The following SLC24A4 variants were observed in gnomAD, a reference collection of about 807,000 sequenced individuals.
SLC24A4 encodes sodium/potassium/calcium exchanger 4.
SLC24A4 carries 53 observed loss-of-function variants against 79.0 expected under a neutral mutation model. The ratio of observed to expected loss-of-function variants is 0.67; its 90% CI spans 0.54 to 0.84. The LOEUF (loss-of-function observed/expected upper bound fraction) is 0.84, where lower values mean the gene tolerates loss of function less well. SLC24A4 is among the 40% of genes least tolerant of loss of function. The probability of loss-of-function intolerance (pLI) is 0.00; values close to 1 mark genes in which losing one functional copy is unlikely to be tolerated. For synonymous variants in SLC24A4, 323 were observed against 323.8 expected (o/e 1.00, Z 0.03); for missense variants, 731 against 822.0 (o/e 0.89, Z 1.35).
chr14:92,441,482 C>T lies in SLC24A4; in HGVS notation c.394-607C>T, dbSNP rs1000697443. Among the ~76,000 whole-genome samples the T allele has an allele frequency of 1.3e-5, 2 of 152,196 alleles. No homozygotes were observed. The highest frequency in any genetic ancestry group is 1.9e-4 in the East Asian group (1 of 5,194). On this transcript the variant is annotated intron_variant, in intron 4 of 16. Coordinates refer to ENST00000532405, the MANE Select transcript of SLC24A4 (RefSeq NM_153646.4). This position sits in a 1 kb window ranked among gnomAD's most constrained non-coding sequence, Gnocchi z 4.6. ...CAGGCCTGCCGTGGAGAAGGCCTTC[C>T]AGAATGCAAGGCCCAGCTGCAGGCC...
chr14:92,376,109 T>A (rs1313466971), intron 2 of SLC24A4, among the ~76,000 whole-genome samples: 1 of 145,138 alleles, frequency 6.9e-6, no homozygotes, highest in Admixed American at 6.7e-5. Context: ...TTGGGGAGGA[T>A]CTGCAAGTGC....
chr14:92,444,930 C>T (rs12434876), intron 7 of SLC24A4, among the ~76,000 whole-genome samples: 55 of 70,264 alleles, frequency 7.8e-4, no homozygotes, highest in African/African-American at 3.1e-3. Flanking sequence ...TATACACACA[C>T]ATACACACAC....
chr14:92,387,616 A>G (rs746446955), intron 2 of SLC24A4, among the ~76,000 whole-genome samples: 1 of 152,238 alleles, frequency 6.6e-6, no homozygotes, highest in South Asian at 2.1e-4. Context: ...AGCATTAAGT[A>G]CATTCACATG....
intron 2 of SLC24A4, among the ~76,000 whole-genome samples, chr14:92,351,689 T>G (rs77269340): frequency 0.098 from 14,809 of 151,864 alleles, 905 homozygotes; most frequent in Admixed American, 0.14. Context: ...AAACCCCATC[T>G]CTACTAAAAA....
chr14:92,358,954 G>A (rs564003474), intron 2 of SLC24A4, among the ~76,000 whole-genome samples: 2 of 151,920 alleles, frequency 1.3e-5, no homozygotes, highest in South Asian at 4.1e-4. Context: ...CCAAAGTACT[G>A]GGATTACAGG....
chr14:92,378,001 G>A (rs1459401054), intron 2 of SLC24A4, among the ~76,000 whole-genome samples: 2 of 152,158 alleles, frequency 1.3e-5, no homozygotes, highest in Non-Finnish European at 2.9e-5. Flanking sequence ...AGTCTGAGCT[G>A]CCTGTGGGAC....
At chr14:92,485,672 A>G (rs1438512291) in intron 13 of SLC24A4, among the ~76,000 whole-genome samples, 3 of 152,242 alleles carry the variant, frequency 2.0e-5, no homozygotes, top group African/African-American at 7.2e-5. Context: ...CAAGTAAAAA[A>G]AAAAAGTATT....
rs747436460 is a variant in SLC24A4 at position 92,482,785 on chromosome 14, T to A, written c.1361T>A (p.Met454Lys). 34 of 1,614,014 alleles carry A rather than the reference T, an allele frequency of 2.1e-5. No individual in the cohort carries two copies. Among genetic ancestry groups the A allele is most frequent in the Non-Finnish European group, 2.7e-5 (32 of 1,180,012 alleles). The change falls in exon 13 of 17, where the codon ATG becomes AAG. Residue 454 changes from methionine to lysine, a missense_variant. Met to Lys is a moderately conservative substitution (Grantham distance 95, BLOSUM62 -1). Coordinates refer to ENST00000532405, the MANE Select transcript of SLC24A4 (RefSeq NM_153646.4). ...CSKPRWEKFF[M>K]VTFITATLWI... ...AAGCCCCGCTGGGAGAAGTTCTTCA[T>A]GGTCACCTTCATCACCGCCACGCTG...
intron 2 of SLC24A4, among the ~76,000 whole-genome samples, chr14:92,420,983 G>A (rs1052204052): frequency 6.6e-6 from 1 of 152,098 alleles, no homozygotes; most frequent in African/African-American, 2.4e-5. Flanking sequence ...TGCTCCTCGG[G>A]CTTCTGTGGT....
At chr14:92,384,395 T>C (rs768086360) in intron 2 of SLC24A4, among the ~76,000 whole-genome samples, 5 of 151,960 alleles carry the variant, frequency 3.3e-5, no homozygotes, top group Non-Finnish European at 7.4e-5. Context: ...TTCAGGGATG[T>C]TTAATGGAGC....
intron 2 of SLC24A4, among the ~76,000 whole-genome samples, chr14:92,382,559 C>T (rs1288858661): frequency 6.6e-6 from 1 of 152,176 alleles, no homozygotes; most frequent in Non-Finnish European, 1.5e-5. Flanking sequence ...GTTACTGTAT[C>T]TTCCTTAATC....
chr14:92,491,323 T>C (rs1895659966), intron 14 of SLC24A4, among the ~76,000 whole-genome samples: 1 of 152,206 alleles, frequency 6.6e-6, no homozygotes, highest in Non-Finnish European at 1.5e-5. Context: ...TTTATTTTTA[T>C]TGTGAAGAAA....
intron 12 of SLC24A4, among the ~76,000 whole-genome samples, chr14:92,473,120 C>T (rs1894527799): frequency 6.6e-6 from 1 of 152,194 alleles, no homozygotes; most frequent in Non-Finnish European, 1.5e-5. Flanking sequence ...CATTTCTATA[C>T]CTCTGTGTCT....
chr14:92,477,372 C>A (rs1595349844), intron 12 of SLC24A4, among the ~76,000 whole-genome samples: 1 of 152,144 alleles, frequency 6.6e-6, no homozygotes, highest in Non-Finnish European at 1.5e-5. Context: ...GGACAATAGA[C>A]CCTTATCAGA....
At chr14:92,391,710 C>A in intron 2 of SLC24A4, among the ~76,000 whole-genome samples, 1 of 152,332 alleles carries the variant, frequency 6.6e-6, no homozygotes, top group East Asian at 1.9e-4. Flanking sequence ...TGGACTTTTG[C>A]GAATAGATCA....
intron 2 of SLC24A4, among the ~76,000 whole-genome samples, chr14:92,375,606 T>A (rs1341113358): frequency 3.3e-5 from 5 of 152,266 alleles, no homozygotes; most frequent in Non-Finnish European, 5.9e-5. Context: ...GTCCATATAA[T>A]GGAATATTAT....
At position 92,323,270 on chromosome 14, in the gene SLC24A4, C is replaced by G. The variant is rs1028619970; in HGVS notation, c.-561C>G. Reference sequence around the variant, plus strand: ...TGCTCGCCGCGAGGGTCTCAGGTACCGCGCGTCCAGCCAGCCTTCCCGCGG... The same window carrying G: ...TGCTCGCCGCGAGGGTCTCAGGTACGGCGCGTCCAGCCAGCCTTCCCGCGG... On this transcript the variant is annotated 5_prime_UTR_variant, in exon 1 of 17. Coordinates refer to ENST00000532405, the MANE Select transcript of SLC24A4 (RefSeq NM_153646.4). This position sits in a 1 kb window ranked among gnomAD's most constrained non-coding sequence, Gnocchi z 4.9. 1 of 152,174 alleles carries G rather than the reference C, an allele frequency of 6.6e-6. No homozygotes were observed. The allele number at this position is 152,174 out of a possible 1,614,324, so 9.4% of individuals were successfully genotyped here.
At chr14:92,463,724 C>T (rs959519145) in intron 12 of SLC24A4, among the ~76,000 whole-genome samples, 5 of 152,144 alleles carry the variant, frequency 3.3e-5, no homozygotes, top group African/African-American at 1.2e-4. Context: ...AATATAGTCA[C>T]AAAATTGTGG....
At chr14:92,464,433 G>C (rs1397169642) in intron 12 of SLC24A4, among the ~76,000 whole-genome samples, 1 of 152,092 alleles carries the variant, frequency 6.6e-6, no homozygotes, top group Non-Finnish European at 1.5e-5. Flanking sequence ...CACGTGTCAG[G>C]GTCCTGAACA....
Sources: gnomAD v4.1 joint callset for allele counts (sites outside exome capture counted in the v4.1 genomes callset) on GRCh38, gnomAD v4.1.1 for gene constraint, Gnocchi (gnomAD v3.1) non-coding constraint, MANE v1.5 for transcripts, NCBI Gene and HGNC (gene_info 2026-07-23, HGNC 2026-07-21) for gene names.